Variants in GABRD observed in about 807,000 individuals in gnomAD.
GABRD encodes the protein gamma-aminobutyric acid receptor subunit delta.
A neutral mutation model predicts 47.3 loss-of-function variants in GABRD; 25 were observed. The observed-to-expected ratio is 0.53, with a 90% CI of 0.39 to 0.74. The LOEUF is 0.74. GABRD is among the 30% of genes least tolerant of loss of function. The pLI is 0.00. For missense variants in GABRD, 497 were observed against 643.4 expected, an observed-to-expected ratio of 0.77 and a Z score of 2.46; for synonymous variants, 314 against 278.8, an observed-to-expected ratio of 1.13 and a Z score of -1.26.
At position 2,030,336 on chromosome 1, in the gene GABRD, G is replaced by A; in HGVS notation, c.*54G>A. 1.4e-6 allele frequency: 2 copies of A among 1,452,630 alleles called. No individual in the cohort carries two copies. Among genetic ancestry groups the A allele is most frequent in the Non-Finnish European group, 1.8e-6 (2 of 1,094,924 alleles). 90.0% of individuals were successfully genotyped at this position (1,452,630 alleles called of 1,614,324 possible). On this transcript the variant is annotated 3_prime_UTR_variant, in exon 9 of 9. Coordinates refer to ENST00000378585, the MANE Select transcript of GABRD (RefSeq NM_000815.5). ...CCTGGCGCCCGGCGGCAGCTGCCCAGAAACTTCCTGGGAGAAAGAGCCCTC... is the reference window on the plus strand; with the variant it reads ...CCTGGCGCCCGGCGGCAGCTGCCCAAAAACTTCCTGGGAGAAAGAGCCCTC...
At chr1:2,019,512 C>T (rs1658716236) in intron 1 of GABRD, 21 bp downstream of exon 1, 1 of 1,085,736 alleles carries the variant, frequency 9.2e-7, no homozygotes, top group Non-Finnish European at 1.1e-6. Flanking sequence ...GGGGTCCGCG[C>T]GGCGCGGGGT....
intron 1 of GABRD, among the ~76,000 whole-genome samples, chr1:2,021,906 C>A (rs1392495203): frequency 6.6e-6 from 1 of 152,178 alleles, no homozygotes; most frequent in Non-Finnish European, 1.5e-5. Context: ...AGGGCGCAGA[C>A]AAGTGACAGG....
At chr1:2,025,267 A>G in intron 2 of GABRD, 67 bp from the exon 3 acceptor site, 3 of 1,554,584 alleles carry the variant, frequency 1.9e-6, no homozygotes, top group Non-Finnish European at 2.7e-6. Flanking sequence ...GGACCCCGGC[A>G]GGGTCCCATC....
intron 4 of GABRD, 115 bp downstream of exon 4, chr1:2,025,853 G>C: frequency 6.8e-6 from 6 of 885,132 alleles, no homozygotes; most frequent in Non-Finnish European, 1.0e-5. Context: ...GGGAGCTGGC[G>C]GGCGGGCGGA....
intron 4 of GABRD, chr1:2,027,188 T>C (rs1477667777): frequency 2.4e-5 from 8 of 330,866 alleles, no homozygotes; most frequent in Non-Finnish European, 4.7e-5. Flanking sequence ...CATCGGGATA[T>C]TTTACATAGG....
At chr1:2,029,045 C>G (rs570073003) in intron 6 of GABRD, 66 bp from the exon 7 acceptor site, 3 of 1,528,536 alleles carry the variant, frequency 2.0e-6, no homozygotes, top group Middle Eastern at 2.0e-4. Context: ...GCCCTGCAGC[C>G]CCTGAGTCCC....
At position 2,028,129 on chromosome 1, in the gene GABRD, C is replaced by G; in HGVS notation, c.554-26C>G. ...CTCCCGGGGCAGGGCCGGGCTCTGC[C>G]GCCCACCTGTGTGCTTTTCCTCCAG... is the stretch of plus-strand genomic sequence containing the variant. On this transcript the variant is annotated intron_variant, in intron 5 of 8. Coordinates refer to ENST00000378585, the MANE Select transcript of GABRD (RefSeq NM_000815.5). The surrounding 1 kb of genome is among the most constrained non-coding windows in gnomAD (Gnocchi z 6.4). 1 of 1,597,094 alleles carries G rather than the reference C, an allele frequency of 6.3e-7. No homozygotes were observed. Among genetic ancestry groups the G allele is most frequent in the Non-Finnish European group, 8.6e-7 (1 of 1,168,724 alleles).
At chr1:2,029,312 T>A in intron 7 of GABRD, 46 bp downstream of exon 7, 2 of 1,531,034 alleles carry the variant, frequency 1.3e-6, no homozygotes, top group Non-Finnish European at 1.8e-6. Flanking sequence ...AGGGCGGCCC[T>A]GGGGAACAGG....
chr1:2,028,984 G>T lies in GABRD; in HGVS notation c.692-127G>T. 2.5e-6 allele frequency: 3 copies of T among 1,194,014 alleles called. No individual in the cohort carries two copies. Among genetic ancestry groups the T allele is most frequent in the Non-Finnish European group, 2.3e-6 (2 of 863,318 alleles). The allele number at this position is 1,194,014 out of a possible 1,614,324, so 74.0% of individuals were successfully genotyped here. On this transcript the variant is annotated intron_variant, in intron 6 of 8. Coordinates refer to ENST00000378585, the MANE Select transcript of GABRD (RefSeq NM_000815.5). This position sits in a 1 kb window ranked among gnomAD's most constrained non-coding sequence, Gnocchi z 6.4. The stretch of plus-strand genomic sequence containing the variant: ...TCAGGCCATGTGGTTGGTGGGGAGG[G>T]CAGGGGTCTAAGTCTCTCTTCTGAG...
Position 2,025,389 on chromosome 1 carries a change from A to G in GABRD, c.237A>G (p.Ser79=). 3 of 1,612,980 alleles carry G rather than the reference A, an allele frequency of 1.9e-6. No homozygotes were observed. Among genetic ancestry groups the G allele is most frequent in the Non-Finnish European group, 2.5e-6 (3 of 1,179,968 alleles). ...ALEVASIDHI[S]EANMEYTMTV... ...AGGTGGCCAGCATCGACCACATCTC[A>G]GAGGCCAACATGGTAGGTGCCACCA... The change falls in exon 3 of 9, where the codon TCA becomes TCG. Residue 79 remains serine (S), a synonymous_variant. Coordinates refer to ENST00000378585, the MANE Select transcript of GABRD (RefSeq NM_000815.5).
intron 1 of GABRD, 183 bp from the exon 2 acceptor site, chr1:2,024,759 G>C: frequency 1.8e-6 from 1 of 550,174 alleles, no homozygotes; most frequent in Admixed American, 3.1e-5. Flanking sequence ...ACCTCCCGGG[G>C]TTCCCTGTGT....
rs1436706234 is a variant in GABRD at position 2,029,768 on chromosome 1, G to A, written c.1059+6G>A. 2 of 1,610,656 alleles carry A rather than the reference G, an allele frequency of 1.2e-6. No individual in the cohort carries two copies. The highest frequency in any genetic ancestry group is 1.7e-6 in the Non-Finnish European group (2 of 1,177,942). The stretch of plus-strand genomic sequence containing the variant: ...TCTCCAGGCCGAGGGCAGAGGTGAG[G>A]GCCTGGGGCCGAGCCAGGGACAGCA... On this transcript the variant is annotated splice_donor_region_variant and intron_variant, in intron 8 of 8. Transcript: ENST00000378585.
At chr1:2,020,552 G>T (rs1571023112) in intron 1 of GABRD, among the ~76,000 whole-genome samples, 1 of 152,356 alleles carries the variant, frequency 6.6e-6, no homozygotes, top group African/African-American at 2.4e-5. Flanking sequence ...TCAGGAGACC[G>T]CGGGGTCGGC....
intron 1 of GABRD, among the ~76,000 whole-genome samples, chr1:2,020,011 G>A (rs984280654): frequency 6.6e-6 from 1 of 152,252 alleles, no homozygotes; most frequent in Non-Finnish European, 1.5e-5. Flanking sequence ...GGCCTCCGGG[G>A]TCTCCTTTCA....
Position 2,028,132 on chromosome 1 carries a change from C to T in GABRD, c.554-23C>T. 1 of 1,598,874 alleles carries T rather than the reference C, an allele frequency of 6.3e-7. No individual in the cohort carries two copies. The highest frequency in any genetic ancestry group is 8.5e-7 in the Non-Finnish European group (1 of 1,169,722). On this transcript the variant is annotated intron_variant, in intron 5 of 8. Transcript: ENST00000378585. This position sits in a 1 kb window ranked among gnomAD's most constrained non-coding sequence, Gnocchi z 6.4. ...CCGGGGCAGGGCCGGGCTCTGCCGC[C>T]CACCTGTGTGCTTTTCCTCCAGACG...
At chr1:2,025,782 G>A (rs1557445733) in intron 4 of GABRD, 44 bp downstream of exon 4, 3 of 1,533,324 alleles carry the variant, frequency 2.0e-6, no homozygotes, top group South Asian at 1.1e-5. Context: ...AGCCTGCCCG[G>A]GCCAAGCGTC....
intron 6 of GABRD, 25 bp from the exon 7 acceptor site, chr1:2,029,086 G>C (rs1659010811): frequency 1.3e-6 from 2 of 1,538,052 alleles, no homozygotes; most frequent in Non-Finnish European, 1.7e-6. Flanking sequence ...AGGGATGGGG[G>C]CACTGACGGT....
rs200862446 is a variant in GABRD at position 2,030,233 on chromosome 1, C to T, written c.1310C>T (p.Ala437Val). Residue 437 changes from alanine to valine, a missense_variant, in exon 9 of 9, where the codon GCG becomes GTG. Ala to Val is a moderately conservative substitution (Grantham distance 64, BLOSUM62 0). This residue lies in a region of GABRD where 121 missense variants were observed against 121.3 expected (regional missense o/e 1.00). Transcript: ENST00000378585. ...ATTTACGCCCGCGCTGTGTTCCCTG[C>T]GGCGTTTGCGGCCGTCAATGTCATC... is the stretch of plus-strand genomic sequence containing the variant. Reference protein sequence around the residue: ...IDIYARAVFPAAFAAVNVIYW... With the variant: ...IDIYARAVFPVAFAAVNVIYW... 1.7e-5 allele frequency: 26 copies of T among 1,563,806 alleles called. No homozygotes were observed. The highest frequency in any genetic ancestry group is 3.4e-4 in the Middle Eastern group (2 of 5,884).
chr1:2,029,833 C>T, intron 8 of GABRD, 71 bp downstream of exon 8: 2 of 1,519,914 alleles, frequency 1.3e-6, no homozygotes, highest in East Asian at 4.5e-5. Context: ...GCTGCCCCAG[C>T]CCACTGTGGG....
Sources: allele counts gnomAD v4.1 joint callset (sites outside exome capture counted in the v4.1 genomes callset), GRCh38; gene constraint gnomAD v4.1.1; regional missense constraint gnomAD v4.1.1; non-coding constraint Gnocchi (gnomAD v3.1); transcripts MANE v1.5; gene names NCBI Gene and HGNC (gene_info 2026-07-23, HGNC 2026-07-21).